Variants in VPS37B observed in about 807,000 individuals in gnomAD.
VPS37B encodes the protein VPS37B subunit of ESCRT-I, also known as vacuolar protein sorting-associated protein 37B.
VPS37B carries 11 observed loss-of-function variants against 21.2 expected under a neutral mutation model. The observed-to-expected ratio is 0.52, with a 90% CI of 0.33 to 0.86. The LOEUF is 0.86. VPS37B is among the 40% of genes least tolerant of loss of function. VPS37B has a pLI of 0.03. For synonymous variants in VPS37B, 175 were observed against 159.6 expected (o/e 1.10, Z -0.73); for missense variants, 389 against 374.8 (o/e 1.04, Z -0.31).
chr12:122,867,517 G>A lies in VPS37B; in HGVS notation c.457C>T (p.Arg153Trp), dbSNP rs1473488251. The A allele has an allele frequency of 2.1e-5, 34 of 1,613,956 alleles. No homozygotes were observed. Among genetic ancestry groups the A allele is most frequent in the Middle Eastern group, 1.6e-4 (1 of 6,084 alleles). ...QSKRKLAHMRRVKIEKLQEMV... is the reference protein window; with the variant it reads ...QSKRKLAHMRWVKIEKLQEMV... ...TCCTGGAGCTTCTCGATTTTCACCC[G>A]TCGCATGTGGGCCAGTTTCCGTTTG... The change falls in exon 4 of 4, where the codon CGG becomes TGG. Residue 153 changes from arginine to tryptophan, a missense_variant. Coordinates refer to ENST00000267202, the MANE Select transcript of VPS37B (RefSeq NM_024667.3). This position sits in a 1 kb window ranked among gnomAD's most constrained non-coding sequence, Gnocchi z 5.5.
At chr12:122,871,694 G>C (rs2034038020) in intron 1 of VPS37B, 1 of 985,446 alleles carries the variant, frequency 1.0e-6, no homozygotes, top group Non-Finnish European at 1.2e-6. Context: ...GACATATTTT[G>C]CCCATCAGGG....
At chr12:122,891,125 T>A (rs558616301) in intron 1 of VPS37B, among the ~76,000 whole-genome samples, 1 of 152,340 alleles carries the variant, frequency 6.6e-6, no homozygotes, top group Admixed American at 6.5e-5. Flanking sequence ...TAACTACAAT[T>A]AAAAAGACTA....
intron 1 of VPS37B, chr12:122,884,792 T>C (rs1279627181): frequency 1.3e-5 from 2 of 151,718 alleles, no homozygotes; most frequent in African/African-American, 2.4e-5. Context: ...TTATTGTTTG[T>C]TTTTTCCCCC....
At chr12:122,894,357 G>A (rs2034458155) in intron 1 of VPS37B, among the ~76,000 whole-genome samples, 1 of 152,194 alleles carries the variant, frequency 6.6e-6, no homozygotes, top group African/African-American at 2.4e-5. Context: ...TGAATACAAG[G>A]GGTGTATTAA....
chr12:122,895,535 T>C (rs1344537650), intron 1 of VPS37B, among the ~76,000 whole-genome samples: 2 of 151,568 alleles, frequency 1.3e-5, no homozygotes, highest in Non-Finnish European at 2.9e-5. Flanking sequence ...TCCGTCCTCT[T>C]CCGCCTAGAC....
chr12:122,887,596 T>C (rs531105311), intron 1 of VPS37B: 133 of 152,410 alleles, frequency 8.7e-4, no homozygotes, highest in Non-Finnish European at 1.6e-3. Context: ...GAGTCATTCA[T>C]CTTCTCCAGG....
At chr12:122,873,325 G>A (rs2034073759) in intron 1 of VPS37B, 1 of 152,142 alleles carries the variant, frequency 6.6e-6, no homozygotes, top group African/African-American at 2.4e-5. Context: ...AAATTTAACT[G>A]TAAATACAAC....
chr12:122,888,525 A>G (rs1157989966), intron 1 of VPS37B: 1 of 456,032 alleles, frequency 2.2e-6, no homozygotes, highest in Non-Finnish European at 4.4e-6. Context: ...CGTACCTGGC[A>G]TGAATCTCCA....
In VPS37B at chr12:122,868,636, A is replaced by T; in HGVS notation, c.284-74T>A. ...AGCCCTTCATGATGCCAACCACGGC[A>T]GGATTGCACCTTCCTTTCCAGGAAG... On this transcript the variant is annotated intron_variant, in intron 2 of 3. Transcript: ENST00000267202. The surrounding 1 kb of genome is among the most constrained non-coding windows in gnomAD (Gnocchi z 5.5). 1 of 1,279,278 alleles carries T rather than the reference A, an allele frequency of 7.8e-7. No individual in the cohort carries two copies. Among genetic ancestry groups the T allele is most frequent in the Non-Finnish European group, 1.1e-6 (1 of 898,744 alleles). 79.2% of individuals were successfully genotyped at this position (1,279,278 alleles called of 1,614,324 possible).
At position 122,867,121 on chromosome 12, in the gene VPS37B, G is replaced by A. The variant is rs1172607540; in HGVS notation, c.853C>T (p.Gln285Ter). Residue 285 changes from glutamine (Q) to a stop codon, truncating the protein, a stop_gained, in exon 4 of 4, where the codon CAG (glutamine) becomes TAG (stop). Transcript: ENST00000267202. LOFTEE classifies it high-confidence loss of function. This position sits in a 1 kb window ranked among gnomAD's most constrained non-coding sequence, Gnocchi z 5.5. ...LPPHQPGFILQ is the reference protein window; with the variant it reads ...LPPHQPGFIL ...GGGAAGGACCGCGCCGGCGCTCACT[G>A]GAGGATGAAACCCGGCTGGTGTGGA... is the stretch of plus-strand genomic sequence containing the variant. 2.6e-6 allele frequency: 4 copies of A among 1,528,390 alleles called. No homozygotes were observed. The highest frequency in any genetic ancestry group is 2.2e-5 in the Admixed American group (1 of 44,578). 94.7% of individuals were successfully genotyped at this position (1,528,390 alleles called of 1,614,324 possible).
intron 1 of VPS37B, chr12:122,876,734 C>A (rs1231386136): frequency 6.6e-6 from 1 of 151,456 alleles, no homozygotes; most frequent in African/African-American, 2.4e-5. Flanking sequence ...AAAAAAAACA[C>A]ACACACTATC....
At position 122,896,014 on chromosome 12, in the gene VPS37B, G is replaced by A; in HGVS notation, c.49C>T (p.Gln17Ter). 1 of 1,597,374 alleles carries A rather than the reference G, an allele frequency of 6.3e-7. No homozygotes were observed. ...TCGTCCTCCAGCAGCTCGTTGAGCT[G>A]CACCAGCGACAGCCCGGCGAACCGG... ...EARFAGLSLV[Q>*]LNELLEDEGQ... The change falls in exon 1 of 4, where the codon CAG becomes TAG. Residue 17 changes from glutamine to a stop codon, truncating the protein, a stop_gained. Transcript: ENST00000267202. LOFTEE classifies it high-confidence loss of function.
At position 122,868,578 on chromosome 12, in the gene VPS37B, G is replaced by T; in HGVS notation, c.284-16C>A. 1.9e-6 allele frequency: 3 copies of T among 1,611,288 alleles called. No homozygotes were observed. Among genetic ancestry groups the T allele is most frequent in the Non-Finnish European group, 1.7e-6 (2 of 1,178,846 alleles). ...GACTGTCTGTCTGGAAAAAAAGCAA[G>T]AGGTATGACAAAAGTGAGAGGTGTC... is the stretch of plus-strand genomic sequence containing the variant. On this transcript the variant is annotated splice_polypyrimidine_tract_variant and intron_variant, in intron 2 of 3. Coordinates refer to ENST00000267202, the MANE Select transcript of VPS37B (RefSeq NM_024667.3). This position sits in a 1 kb window ranked among gnomAD's most constrained non-coding sequence, Gnocchi z 5.5.
intron 2 of VPS37B, chr12:122,870,669 G>A (rs2034006384): frequency 1.1e-5 from 5 of 436,040 alleles, no homozygotes; most frequent in South Asian, 6.0e-5. Flanking sequence ...CCAGGAGGTC[G>A]TGCTGAGCCA....
In VPS37B at chr12:122,866,435, G is replaced by T. The variant is rs1427131960; in HGVS notation, c.*681C>A. On this transcript the variant is annotated 3_prime_UTR_variant, in exon 4 of 4. Transcript: ENST00000267202. Reference sequence around the variant, plus strand: ...GCTCCAGGCAGGCGGGAGAGGAGGAGCTGGGGACACAATTTGCTGTGCAAA... The same window carrying T: ...GCTCCAGGCAGGCGGGAGAGGAGGATCTGGGGACACAATTTGCTGTGCAAA... 6.6e-6 allele frequency: 1 copy of T among 152,486 alleles called. No homozygotes were observed. The highest frequency in any genetic ancestry group is 1.5e-5 in the Non-Finnish European group (1 of 68,044). The allele number at this position is 152,486 out of a possible 1,614,324, so 9.4% of individuals were successfully genotyped here.
intron 1 of VPS37B, chr12:122,888,427 C>A: frequency 5.2e-6 from 2 of 381,124 alleles, no homozygotes; most frequent in Non-Finnish European, 1.1e-5. Flanking sequence ...GGAAATAAAC[C>A]AACGAGAACT....
chr12:122,886,703 T>C (rs1405568178), intron 1 of VPS37B: 1 of 152,224 alleles, frequency 6.6e-6, no homozygotes, highest in Non-Finnish European at 1.5e-5. Context: ...AGGAAAACAC[T>C]ACCCTAATCA....
intron 1 of VPS37B, chr12:122,877,276 T>C (rs1468604559): frequency 6.6e-6 from 1 of 152,236 alleles, no homozygotes; most frequent in Admixed American, 6.5e-5. Context: ...GAATTTGGGC[T>C]GCGTTAGGAT....
chr12:122,874,664 T>G (rs1051825163), intron 1 of VPS37B: 2 of 152,274 alleles, frequency 1.3e-5, no homozygotes, highest in Admixed American at 6.5e-5. Flanking sequence ...AAACTCCAAC[T>G]GAGGCCGAGT....
Sources: allele counts gnomAD v4.1 joint callset (sites outside exome capture counted in the v4.1 genomes callset), GRCh38; gene constraint gnomAD v4.1.1; non-coding constraint Gnocchi (gnomAD v3.1); transcripts MANE v1.5; gene names NCBI Gene and HGNC (gene_info 2026-07-23, HGNC 2026-07-21).